MGA: variants seen among roughly 807,000 people sequenced by gnomAD.
MGA encodes MAX gene-associated protein.
A neutral mutation model predicts 261.1 loss-of-function variants in MGA; 40 were observed. The observed-to-expected ratio is 0.15, with a 90% CI of 0.12 to 0.20. The LOEUF (loss-of-function observed/expected upper bound fraction) is 0.20. Among genes scored for constraint, MGA ranks in the 10% least tolerant of loss-of-function variants. MGA has a pLI of 1.00. For missense variants in MGA, 3,397 were observed against 3,630.5 expected, an observed-to-expected ratio of 0.94 and a Z score of 1.65; for synonymous variants, 1,302 against 1,290.6, an observed-to-expected ratio of 1.01 and a Z score of -0.19.
intron 7 of MGA, 144 bp from the exon 8 acceptor site, chr15:41,710,547 G>A (rs2060340626): frequency 3.7e-6 from 3 of 800,534 alleles, no homozygotes; most frequent in Non-Finnish European, 5.8e-6. Context: ...GATTACAGGT[G>A]GGAGTCACTG....
intron 1 of MGA, among the ~76,000 whole-genome samples, chr15:41,651,643 CCT>C (rs2057049567): frequency 7.7e-6 from 1 of 129,546 alleles, no homozygotes. Context: ...TCTCCTCTCC[CCT>C]CTCCTCTCCC....
At chr15:41,689,732 A>C (rs1262015089) in intron 2 of MGA, among the ~76,000 whole-genome samples, 1 of 151,194 alleles carries the variant, frequency 6.6e-6, no homozygotes, top group Admixed American at 6.6e-5. Context: ...CACCCGACTA[A>C]TTTTTGTATT....
At chr15:41,762,425 A>C in intron 22 of MGA, 63 bp downstream of exon 22, 1 of 871,344 alleles carries the variant, frequency 1.1e-6, no homozygotes. Context: ...TAGTGGACTG[A>C]CCACCTTCTC....
intron 1 of MGA, among the ~76,000 whole-genome samples, chr15:41,629,011 G>A (rs890991323): frequency 1.3e-5 from 2 of 151,622 alleles, no homozygotes; most frequent in Admixed American, 6.6e-5. Context: ...CCATGGTGGC[G>A]GGCGCCTGTA....
Position 41,766,924 on chromosome 15 carries a change from G to A in MGA, c.8842G>A (p.Gly2948Arg), listed in dbSNP as rs780110323. The change falls in exon 24 of 24, where the codon GGG (glycine) becomes AGG (arginine). Residue 2948 changes from glycine (G) to arginine (R), a missense_variant. Gly to Arg is a moderately radical substitution (Grantham distance 125, BLOSUM62 -2). Coordinates refer to ENST00000219905, the MANE Select transcript of MGA (RefSeq NM_001164273.2). ...TTCCAACAAGAAAGCTATTGATGGAGGGAAGAATACTTCTGGCCTCCCTGC... is the reference window on the plus strand; with the variant it reads ...TTCCAACAAGAAAGCTATTGATGGAAGGAAGAATACTTCTGGCCTCCCTGC... 9 of 1,613,874 alleles carry A rather than the reference G, an allele frequency of 5.6e-6. No individual in the cohort carries two copies. In the Admixed American group the frequency reaches 1.3e-4, roughly 24 times the overall value.
rs1346242175 is a variant in MGA, at chr15:41,766,687, C to T, written c.8605C>T (p.Pro2869Ser). 1 of 1,613,968 alleles carries T rather than the reference C, an allele frequency of 6.2e-7. No individual in the cohort carries two copies. The highest frequency in any genetic ancestry group is 1.1e-5 in the South Asian group (1 of 91,078). ...GCGGGCTTTTATTAGTAAGGTTCCT[C>T]CTGGAAGCAGAGCAACTTTCCAGGT... Residue 2869 changes from proline (P) to serine (S), a missense_variant, in exon 24 of 24, where the codon CCT becomes TCT. Transcript: ENST00000219905.
chr15:41,766,681 G>T lies in MGA; in HGVS notation c.8599G>T (p.Val2867Phe), dbSNP rs373229744. 21 of 1,613,882 alleles carry T rather than the reference G, an allele frequency of 1.3e-5. No homozygotes were observed. The highest frequency in any genetic ancestry group is 1.5e-5 in the Non-Finnish European group (18 of 1,179,912). The stretch of plus-strand genomic sequence containing the variant: ...TGCTCGGCGGGCTTTTATTAGTAAG[G>T]TTCCTCCTGGAAGCAGAGCAACTTT... The change falls in exon 24 of 24, where the codon GTT becomes TTT. Residue 2867 changes from valine (V) to phenylalanine (F), a missense_variant. Around this residue, in one of 9 missense-constraint regions of MGA, gnomAD observed 647 missense variants for 642.4 expected, o/e 1.01. Coordinates refer to ENST00000219905, the MANE Select transcript of MGA (RefSeq NM_001164273.2).
chr15:41,652,135 T>G (rs1425762797), intron 1 of MGA, among the ~76,000 whole-genome samples: 1 of 147,714 alleles, frequency 6.8e-6, no homozygotes, highest in African/African-American at 2.5e-5. Flanking sequence ...CCGGCTAATT[T>G]TTTTTTTTTA....
chr15:41,740,488 T>G lies in MGA; in HGVS notation c.4585+285T>G, dbSNP rs1469860563. Among the ~76,000 whole-genome samples the G allele has an allele frequency of 2.0e-5, 3 of 152,096 alleles. No individual in the cohort carries two copies. The East Asian group carries it at 5.8e-4, about 29-fold the overall frequency. On this transcript the variant is annotated intron_variant, in intron 14 of 23. Transcript: ENST00000219905. Reference sequence around the variant, plus strand: ...GCAAGTTTTATAGTTATTTTTAAGGTTTTCAGACTGGTTGTTATTAATGTA... The same window carrying G: ...GCAAGTTTTATAGTTATTTTTAAGGGTTTCAGACTGGTTGTTATTAATGTA...
chr15:41,662,430 A>G (rs2057468442), intron 1 of MGA, among the ~76,000 whole-genome samples: 1 of 152,176 alleles, frequency 6.6e-6, no homozygotes, highest in Non-Finnish European at 1.5e-5. Context: ...ACGCAGGTGC[A>G]ATTCTGTGCC....
chr15:41,661,745 G>T (rs1216191033), intron 1 of MGA, among the ~76,000 whole-genome samples: 1 of 152,150 alleles, frequency 6.6e-6, no homozygotes, highest in South Asian at 2.1e-4. Context: ...TGCTCTGTTC[G>T]TTCTTTTTGG....
At chr15:41,715,516 AAAAT>A in intron 9 of MGA, among the ~76,000 whole-genome samples, 1 of 152,278 alleles carries the variant, frequency 6.6e-6, no homozygotes, top group Non-Finnish European at 1.5e-5. Context: ...GGACTTAAAA[AAAAT>A]AAGTTGTTAA....
At chr15:41,759,240 GC>G (rs1217994170) in intron 19 of MGA, among the ~76,000 whole-genome samples, 1 of 152,166 alleles carries the variant, frequency 6.6e-6, no homozygotes, top group Non-Finnish European at 1.5e-5. Context: ...AGTGATGTGA[GC>G]TAAATCCTCT....
At position 41,743,153 on chromosome 15, in the gene MGA, A is replaced by G. The variant is rs564527621; in HGVS notation, c.5193A>G (p.Pro1731=). The G allele has an allele frequency of 1.9e-6, 3 of 1,610,426 alleles. No individual in the cohort carries two copies. The highest frequency in any genetic ancestry group is 2.2e-5 in the East Asian group (1 of 44,820). The change falls in exon 15 of 24, where the codon CCA becomes CCG. Residue 1731 remains proline (P), a synonymous_variant. Coordinates refer to ENST00000219905, the MANE Select transcript of MGA (RefSeq NM_001164273.2). The stretch of plus-strand genomic sequence containing the variant: ...TACTCTCAGGAATTAATGGGAGTCC[A>G]CCAGTGAGCCAGAGACCAGGTAAGG...
At chr15:41,700,041 G>GTTTTTTTTTTTTTTT (rs763919635) in intron 5 of MGA, among the ~76,000 whole-genome samples, 1 of 101,572 alleles carries the variant, frequency 9.8e-6, no homozygotes, top group Non-Finnish European at 1.9e-5. Flanking sequence ...TGTCATCGAG[G>GTTTTTTTTTTTTTTT]TTTTTTTTTT....
chr15:41,698,798 C>A, intron 3 of MGA, 65 bp from the exon 4 acceptor site: 1 of 1,250,324 alleles, frequency 8.0e-7, no homozygotes. Flanking sequence ...TTTTTTAATC[C>A]TGTTTTACAT....
At chr15:41,719,663 G>A (rs934859123) in intron 9 of MGA, among the ~76,000 whole-genome samples, 1 of 152,032 alleles carries the variant, frequency 6.6e-6, no homozygotes, top group Non-Finnish European at 1.5e-5. Context: ...GATCACTTGA[G>A]CCTGGGAGGC....
At chr15:41,689,913 G>C (rs566227619) in intron 2 of MGA, among the ~76,000 whole-genome samples, 34 of 152,110 alleles carry the variant, frequency 2.2e-4, no homozygotes, top group Admixed American at 7.2e-4. Flanking sequence ...TAAAAATTGA[G>C]ATATAATTCA....
intron 22 of MGA, 108 bp downstream of exon 22, chr15:41,762,470 T>G (rs1180198082): frequency 5.6e-5 from 37 of 657,778 alleles, no homozygotes; most frequent in Admixed American, 3.7e-4. Flanking sequence ...GGTTTTTTTT[T>G]TTTTTTTTTT....
Sources: gnomAD v4.1 joint callset for allele counts (sites outside exome capture counted in the v4.1 genomes callset) on GRCh38, gnomAD v4.1.1 for gene constraint, gnomAD v4.1.1 regional missense constraint, MANE v1.5 for transcripts, NCBI Gene and HGNC (gene_info 2026-07-23, HGNC 2026-07-21) for gene names.